ABCB1: variants seen among roughly 807,000 people sequenced by gnomAD.
The protein encoded by ABCB1 is ATP-dependent translocase ABCB1.
Under a neutral mutation model 142.0 loss-of-function variants are expected in ABCB1, and 69 were observed. The ratio of observed to expected loss-of-function variants is 0.49; its 90% CI spans 0.40 to 0.59. The LOEUF (loss-of-function observed/expected upper bound fraction) is 0.59. Ranked by LOEUF, ABCB1 falls within the 20% of genes least tolerant of loss-of-function variation. The pLI, the probability that ABCB1 is intolerant of heterozygous loss-of-function variation, is 0.00. For missense variants in ABCB1, 1,326 were observed against 1,554.7 expected (o/e 0.85, Z 2.47); for synonymous variants, 532 against 539.2 (o/e 0.99, Z 0.18).
chr7:87,635,040 T>C (rs1821624248), intron 1 of ABCB1, among the ~76,000 whole-genome samples: 1 of 152,186 alleles, frequency 6.6e-6, no homozygotes, highest in Admixed American at 6.5e-5. Context: ...CCCCAGTCCT[T>C]TACTAGGGGG....
chr7:87,655,355 G>C (rs773855745), intron 1 of ABCB1, among the ~76,000 whole-genome samples: 8 of 152,096 alleles, frequency 5.3e-5, no homozygotes, highest in Non-Finnish European at 8.8e-5. Flanking sequence ...TAAAAAAAAA[G>C]TTGCGTATAT....
intron 20 of ABCB1, among the ~76,000 whole-genome samples, chr7:87,535,995 A>G (rs1366000766): frequency 6.6e-6 from 1 of 152,228 alleles, no homozygotes; most frequent in African/African-American, 2.4e-5. Context: ...GTTATTAAAG[A>G]TAAAGACTGA....
intron 21 of ABCB1, chr7:87,521,851 A>G: frequency 1.3e-6 from 1 of 771,746 alleles, no homozygotes; most frequent in South Asian, 1.3e-5. Flanking sequence ...GTATGGAAAA[A>G]TTGAAGTGAT....
intron 1 of ABCB1, among the ~76,000 whole-genome samples, chr7:87,639,204 AG>A (rs1822183728): frequency 6.6e-6 from 1 of 151,986 alleles, no homozygotes; most frequent in Non-Finnish European, 1.5e-5. Context: ...AAACAGTTGA[AG>A]GTTTTTTAGT....
At chr7:87,544,352 G>A in intron 16 of ABCB1, 77 bp from the exon 17 acceptor site, 1 of 1,394,382 alleles carries the variant, frequency 7.2e-7, no homozygotes, top group Admixed American at 1.7e-5. Context: ...ACAAAAATTA[G>A]TAAAGGAATA....
At chr7:87,531,196 C>T (rs1816039615) in intron 21 of ABCB1, 98 bp downstream of exon 21, 5 of 1,069,178 alleles carry the variant, frequency 4.7e-6, no homozygotes, top group African/African-American at 1.6e-5. Flanking sequence ...GTTATAAACA[C>T]ATTCTTAGAG....
intron 1 of ABCB1, among the ~76,000 whole-genome samples, chr7:87,625,124 G>C (rs1319275024): frequency 9.2e-5 from 14 of 152,130 alleles, no homozygotes; most frequent in Admixed American, 8.5e-4. Flanking sequence ...GGGCGTGGTG[G>C]CAGGCGCCTG....
rs1162702620 is a variant in ABCB1, at chr7:87,539,249, C to T, written c.2397+19G>A. The T allele has an allele frequency of 2.5e-6, 4 of 1,611,388 alleles. No homozygotes were observed. Among genetic ancestry groups the T allele is most frequent in the Admixed American group, 1.7e-5 (1 of 59,998 alleles). ...GGGGAGTTCTACACATCCCAGGGCACAGCCCTCGATAGACATACCTGTCTG... is the reference window on the plus strand; with the variant it reads ...GGGGAGTTCTACACATCCCAGGGCATAGCCCTCGATAGACATACCTGTCTG... On this transcript the variant is annotated intron_variant, in intron 19 of 27. Transcript: ENST00000622132.
intron 5 of ABCB1, among the ~76,000 whole-genome samples, chr7:87,568,876 GA>G (rs1817911391): frequency 6.6e-6 from 1 of 152,138 alleles, no homozygotes; most frequent in Non-Finnish European, 1.5e-5. Context: ...CATGCTTTGA[GA>G]ATAAGTTAAT....
At chr7:87,674,605 C>G (rs1028953479) in intron 1 of ABCB1, among the ~76,000 whole-genome samples, 1 of 152,078 alleles carries the variant, frequency 6.6e-6, no homozygotes, top group Admixed American at 6.6e-5. Flanking sequence ...TGAGGCAAGT[C>G]TGCCTTGGGG....
chr7:87,540,981 G>T (rs1175591847), intron 18 of ABCB1, among the ~76,000 whole-genome samples: 1 of 152,066 alleles, frequency 6.6e-6, no homozygotes, highest in Non-Finnish European at 1.5e-5. Context: ...TTTGTTTGTT[G>T]TTGCTTTTAG....
chr7:87,584,101 T>C (rs918919170), intron 4 of ABCB1, among the ~76,000 whole-genome samples: 2 of 152,156 alleles, frequency 1.3e-5, no homozygotes, highest in South Asian at 4.1e-4. Context: ...TAATAAAGCA[T>C]AAGAATTTTA....
At chr7:87,659,151 G>GA (rs1824437914) in intron 1 of ABCB1, 1 of 397,810 alleles carries the variant, frequency 2.5e-6, no homozygotes, top group Non-Finnish European at 4.9e-6. Context: ...AATAGAATGA[G>GA]ACCCTGTCTC....
chr7:87,650,984 A>C, intron 1 of ABCB1: 1 of 1,079,938 alleles, frequency 9.3e-7, no homozygotes, highest in Non-Finnish European at 1.4e-6. Context: ...CTGTCTTTAT[A>C]ATAAGCTTGA....
intron 1 of ABCB1, among the ~76,000 whole-genome samples, chr7:87,702,569 C>T (rs1336161602): frequency 6.6e-6 from 1 of 152,150 alleles, no homozygotes; most frequent in Non-Finnish European, 1.5e-5. Flanking sequence ...GTTGAGTCAC[C>T]ATGACCAACT....
At chr7:87,690,022 G>A (rs1827868056) in intron 1 of ABCB1, among the ~76,000 whole-genome samples, 1 of 151,884 alleles carries the variant, frequency 6.6e-6, no homozygotes. Flanking sequence ...TAGAGACAGA[G>A]TCTCACTGTG....
chr7:87,710,506 AT>A (rs1829981628), intron 1 of ABCB1: 4 of 881,646 alleles, frequency 4.5e-6, no homozygotes, highest in Non-Finnish European at 7.1e-6. Flanking sequence ...AATATTTTTG[AT>A]GGCACAGTGG....
chr7:87,638,779 C>G (rs1195245346), intron 1 of ABCB1, among the ~76,000 whole-genome samples: 1 of 151,982 alleles, frequency 6.6e-6, no homozygotes, highest in African/African-American at 2.4e-5. Flanking sequence ...AAAGAACCAG[C>G]GTTTGACTTT....
chr7:87,540,483 C>G (rs1392896150), intron 18 of ABCB1, among the ~76,000 whole-genome samples: 1 of 152,174 alleles, frequency 6.6e-6, no homozygotes, highest in Non-Finnish European at 1.5e-5. Flanking sequence ...CTCTGTTGCC[C>G]AGGCTGGAGT....
Sources: allele counts gnomAD v4.1 joint callset (sites outside exome capture counted in the v4.1 genomes callset), GRCh38; gene constraint gnomAD v4.1.1; transcripts MANE v1.5; gene names NCBI Gene and HGNC (gene_info 2026-07-23, HGNC 2026-07-21).